Variants in MAMDC2 observed in about 807,000 individuals in gnomAD.
MAMDC2 encodes MAM domain-containing protein 2.
A neutral mutation model predicts 89.8 loss-of-function variants in MAMDC2; 57 were observed. That is an observed-to-expected ratio of 0.63 (90% confidence interval 0.51 to 0.79). The LOEUF (loss-of-function observed/expected upper bound fraction) is 0.79. Among genes scored for constraint, MAMDC2 ranks in the 30% least tolerant of loss-of-function variants. The probability of loss-of-function intolerance (pLI) is 0.00; values close to 1 mark genes in which losing one functional copy is unlikely to be tolerated. For missense variants in MAMDC2, 800 were observed against 820.6 expected (o/e 0.97, Z 0.31); for synonymous variants, 313 against 293.4 (o/e 1.07, Z -0.68).
intron 11 of MAMDC2, among the ~76,000 whole-genome samples, chr9:70,214,770 T>G (rs1309287969): frequency 6.6e-6 from 1 of 152,008 alleles, no homozygotes; most frequent in Non-Finnish European, 1.5e-5. Flanking sequence ...ATTTTAAAGG[T>G]AGAGCCAGTG....
At chr9:70,182,817 AT>A (rs1183104220) in intron 11 of MAMDC2, among the ~76,000 whole-genome samples, 9 of 152,056 alleles carry the variant, frequency 5.9e-5, no homozygotes, top group African/African-American at 1.9e-4. Flanking sequence ...GGATTCACTG[AT>A]TTTTTTGAAG....
At chr9:70,139,523 T>A (rs2031129484) in intron 7 of MAMDC2, among the ~76,000 whole-genome samples, 1 of 152,048 alleles carries the variant, frequency 6.6e-6, no homozygotes, top group African/African-American at 2.4e-5. Context: ...TCTATCATTG[T>A]TGGACATTTG....
At chr9:70,074,731 T>C (rs772678810) in intron 2 of MAMDC2, among the ~76,000 whole-genome samples, 3 of 152,188 alleles carry the variant, frequency 2.0e-5, no homozygotes. Context: ...GGGAGCAACA[T>C]AACATGGCAA....
chr9:70,160,432 T>G (rs2031932142), intron 9 of MAMDC2, among the ~76,000 whole-genome samples: 1 of 152,184 alleles, frequency 6.6e-6, no homozygotes, highest in Non-Finnish European at 1.5e-5. Flanking sequence ...AATGTTCATT[T>G]TTTTCAGAGG....
chr9:70,177,839 T>C (rs1357811481), intron 11 of MAMDC2, among the ~76,000 whole-genome samples: 2 of 152,214 alleles, frequency 1.3e-5, no homozygotes, highest in Non-Finnish European at 2.9e-5. Context: ...ACAACTTATA[T>C]GTGAAAAGCA....
intron 11 of MAMDC2, among the ~76,000 whole-genome samples, chr9:70,203,144 C>G (rs1049241577): frequency 6.6e-6 from 1 of 150,676 alleles, no homozygotes; most frequent in African/African-American, 2.4e-5. Flanking sequence ...CAGTTTCTTC[C>G]TAGTCTTGAT....
In MAMDC2 at chr9:70,218,338, CTA is replaced by C; in HGVS notation, c.1654_1655del (p.Tyr552LeufsTer5). 1 of 1,610,192 alleles carries C rather than the reference CTA, an allele frequency of 6.2e-7. No homozygotes were observed. ...ACCTGCTTTTGCATTCACCTCAAGG[CTA>C]CTACATGTACATTGAGGCCTCCCAT... Reference protein sequence around the residue: ...PKGDHTTGVGYYMYIEASHMV... With the variant: ...PKGDHTTGVGXYMYIEASHMV... On this transcript the variant is annotated frameshift_variant and splice_region_variant, in exon 12 of 14. Coordinates refer to ENST00000377182, the MANE Select transcript of MAMDC2 (RefSeq NM_153267.5). LOFTEE classifies it high-confidence loss of function.
At chr9:70,066,145 A>C (rs1386119726) in intron 2 of MAMDC2, among the ~76,000 whole-genome samples, 1 of 152,184 alleles carries the variant, frequency 6.6e-6, no homozygotes, top group Non-Finnish European at 1.5e-5. Context: ...AGATTGGGGC[A>C]GTTCAGAAAG....
chr9:70,111,857 A>G (rs1828518824), intron 4 of MAMDC2, among the ~76,000 whole-genome samples: 1 of 152,356 alleles, frequency 6.6e-6, no homozygotes, highest in Middle Eastern at 3.4e-3. Context: ...GACTAGTAAC[A>G]GTGATGATTC....
chr9:70,206,108 G>A (rs1306336707), intron 11 of MAMDC2, among the ~76,000 whole-genome samples: 1 of 152,112 alleles, frequency 6.6e-6, no homozygotes, highest in Non-Finnish European at 1.5e-5. Flanking sequence ...CTCTACATAG[G>A]TACTGCTTTA....
intron 12 of MAMDC2, among the ~76,000 whole-genome samples, chr9:70,221,368 T>TAG (rs2033553284): frequency 1.3e-4 from 1 of 7,598 alleles, no homozygotes; most frequent in Non-Finnish European, 2.8e-4. Flanking sequence ...TATATATATA[T>TAG]ATATATATAT....
At chr9:70,104,247 ATCAAT>A in intron 2 of MAMDC2, among the ~76,000 whole-genome samples, 1 of 152,296 alleles carries the variant, frequency 6.6e-6, no homozygotes, top group East Asian at 1.9e-4. Flanking sequence ...ATAATCAGAG[ATCAAT>A]TCACATCAAT....
Position 70,078,266 on chromosome 9 carries a change from G to A in MAMDC2, c.149-29945G>A, listed in dbSNP as rs114126334. Among the ~76,000 whole-genome samples, 696 of 152,186 alleles carry A rather than the reference G, an allele frequency of 4.6e-3. 6 individuals are homozygous for A. Among genetic ancestry groups the A allele is most frequent in the African/African-American group, 0.016 (646 of 41,540 alleles). On this transcript the variant is annotated intron_variant, in intron 2 of 13. Transcript: ENST00000377182. ...CAATCTGATAACTCCCTCTTACCCC[G>A]TTTCTCTCCTTCAGAATGTTCATGT...
chr9:70,110,337 C>T (rs1022116637), intron 4 of MAMDC2, among the ~76,000 whole-genome samples: 2 of 152,192 alleles, frequency 1.3e-5, no homozygotes, highest in African/African-American at 4.8e-5. Flanking sequence ...TATTTGTCTA[C>T]ATTGAAGCTA....
At chr9:70,217,270 G>A (rs1311785536) in intron 11 of MAMDC2, 55 of 1,106,986 alleles carry the variant, frequency 5.0e-5, no homozygotes, top group Non-Finnish European at 7.0e-5. Context: ...CAGGACCGAC[G>A]GGAAGGTTTT....
chr9:70,119,177 T>C (rs2030168041), intron 5 of MAMDC2, among the ~76,000 whole-genome samples: 1 of 114,522 alleles, frequency 8.7e-6, no homozygotes, highest in South Asian at 2.8e-4. Flanking sequence ...GTTTTCTACA[T>C]ACCTTAGCAA....
At chr9:70,150,163 A>C (rs973979144) in intron 9 of MAMDC2, among the ~76,000 whole-genome samples, 1 of 152,208 alleles carries the variant, frequency 6.6e-6, no homozygotes, top group Non-Finnish European at 1.5e-5. Flanking sequence ...ATGACACCCA[A>C]ACCTACGCTA....
At chr9:70,213,963 C>G (rs571014910) in intron 11 of MAMDC2, among the ~76,000 whole-genome samples, 1 of 152,244 alleles carries the variant, frequency 6.6e-6, no homozygotes, top group East Asian at 1.9e-4. Flanking sequence ...AATGGTCAAA[C>G]TGGTTTGTGC....
intron 11 of MAMDC2, among the ~76,000 whole-genome samples, chr9:70,214,001 T>C (rs1421143330): frequency 6.6e-6 from 1 of 152,180 alleles, no homozygotes; most frequent in African/African-American, 2.4e-5. Context: ...AATGCATTCA[T>C]TCATCCATTC....
Sources: allele counts gnomAD v4.1 joint callset (sites outside exome capture counted in the v4.1 genomes callset), GRCh38; gene constraint gnomAD v4.1.1; transcripts MANE v1.5; gene names NCBI Gene and HGNC (gene_info 2026-07-23, HGNC 2026-07-21).